The following SPTB variants were observed in gnomAD, a reference collection of about 807,000 sequenced individuals.
SPTB encodes the protein spectrin beta chain, erythrocytic.
A neutral mutation model predicts 256.2 loss-of-function variants in SPTB; 45 were observed. The observed-to-expected ratio is 0.18, with a 90% CI of 0.14 to 0.23. The LOEUF (loss-of-function observed/expected upper bound fraction) is 0.23. Among genes scored for constraint, SPTB ranks in the 10% least tolerant of loss-of-function variants. SPTB has a pLI of 1.00. For missense variants in SPTB, 2,715 were observed against 3,040.4 expected (o/e 0.89, Z 2.52); for synonymous variants, 1,231 against 1,243.1 (o/e 0.99, Z 0.21).
chr14:64,799,929 A>G lies in SPTB; in HGVS notation c.882T>C (p.Ile294=), dbSNP rs1566771035. 5 of 1,614,114 alleles carry G rather than the reference A, an allele frequency of 3.1e-6. No individual in the cohort carries two copies. The highest frequency in any genetic ancestry group is 1.3e-5 in the African/African-American group (1 of 74,942). Residue 294 remains isoleucine (I), a synonymous_variant, in exon 9 of 36, where the codon ATT becomes ATC. Coordinates refer to ENST00000644917, the MANE Select transcript of SPTB (RefSeq NM_001355436.2). ...AVEGKRVGKV[I]DHAIETEKMI... ...TCTTCTCAGTCTCAATGGCATGGTC[A>G]ATAACCTAAGGAATCATCTTCTTAC...
intron 31 of SPTB, 88 bp downstream of exon 31, chr14:64,767,214 TG>T: frequency 6.5e-7 from 1 of 1,538,382 alleles, no homozygotes; most frequent in Non-Finnish European, 8.9e-7. Context: ...CAAATGCAAC[TG>T]GTCCCAATGT....
chr14:64,857,577 CAAAAAAAAAA>C (rs34021718), intron 1 of SPTB, among the ~76,000 whole-genome samples: 5 of 61,354 alleles, frequency 8.1e-5, no homozygotes, highest in African/African-American at 2.5e-4. Context: ...GACACTGCCT[CAAAAAAAAAA>C]AAAAAAAAAA....
chr14:64,858,052 A>G (rs139019259), intron 1 of SPTB, among the ~76,000 whole-genome samples: 10 of 152,350 alleles, frequency 6.6e-5, no homozygotes, highest in Non-Finnish European at 1.5e-4. Context: ...GAGGAAAATG[A>G]AGATCAGAAA....
At chr14:64,848,686 T>C (rs995650583) in intron 1 of SPTB, among the ~76,000 whole-genome samples, 1 of 152,264 alleles carries the variant, frequency 6.6e-6, no homozygotes. Context: ...CAATAGCTTT[T>C]ACCTTATTTA....
chr14:64,755,436 A>G (rs1389944426), intron 32 of SPTB: 1 of 152,230 alleles, frequency 6.6e-6, no homozygotes, highest in African/African-American at 2.4e-5. Flanking sequence ...ATCTCATCAA[A>G]TTAGGACTGT....
chr14:64,831,351 T>C (rs1354466509), intron 1 of SPTB, among the ~76,000 whole-genome samples: 1 of 152,148 alleles, frequency 6.6e-6, no homozygotes, highest in Non-Finnish European at 1.5e-5. Context: ...CTTACCATCT[T>C]CTCTCTCCTT....
rs148301557 is a variant in SPTB at position 64,761,214 on chromosome 14, A to G, written c.6345+5512T>C. 5.3e-3 allele frequency among the ~76,000 whole-genome samples: 810 copies of G among 152,286 alleles called. 9 individuals carry two copies. The highest frequency in any genetic ancestry group is 0.019 in the African/African-American group (769 of 41,554). On this transcript the variant is annotated intron_variant, in intron 32 of 35. Transcript: ENST00000644917. ...TATCTCAGCTCTTGTCCTTTGGGTG[A>G]GAAGGGCTGTCACTGGGTGGGTTGG...
rs906427175 is a variant in SPTB at position 64,767,732 on chromosome 14, C to A, written c.6150G>T (p.Arg2050Ser). The change falls in exon 30 of 36, where the codon AGG (arginine) becomes AGT (serine). Residue 2050 changes from arginine (R) to serine (S), a missense_variant. Transcript: ENST00000644917. Reference sequence around the variant, plus strand: ...CCGTGGACTTCTCAAAAGCCTCATGCCTCTTGATGAGCTTCTCCACACTGT... The same window carrying A: ...CCGTGGACTTCTCAAAAGCCTCATGACTCTTGATGAGCTTCTCCACACTGT... ...TVDSVEKLIK[R>S]HEAFEKSTAS... 3 of 1,614,086 alleles carry A rather than the reference C, an allele frequency of 1.9e-6. No individual in the cohort carries two copies. In the African/African-American group the frequency reaches 4.0e-5, roughly 22 times the overall value.
chr14:64,775,829 C>T lies in SPTB; in HGVS notation c.4564-426G>A, dbSNP rs2082348050. 6.6e-6 allele frequency among the ~76,000 whole-genome samples: 1 copy of T among 152,210 alleles called. No individual in the cohort carries two copies. Among genetic ancestry groups the T allele is most frequent in the African/African-American group, 2.4e-5 (1 of 41,452 alleles). ...TCTAACAGCTTTTGCAGGATTTATG[C>T]AGGATCATTTACGCAGGATACGCCC... On this transcript the variant is annotated intron_variant, in intron 22 of 35. Coordinates refer to ENST00000644917, the MANE Select transcript of SPTB (RefSeq NM_001355436.2). This position sits in a 1 kb window ranked among gnomAD's most constrained non-coding sequence, Gnocchi z 5.0.
At chr14:64,867,901 G>T (rs1410886340) in intron 1 of SPTB, among the ~76,000 whole-genome samples, 2 of 149,912 alleles carry the variant, frequency 1.3e-5, no homozygotes, top group African/African-American at 4.9e-5. Context: ...TCATGGCTGA[G>T]GAAAGAGAAG....
At position 64,816,119 on chromosome 14, in the gene SPTB, T is replaced by G. The variant is rs1467188325; in HGVS notation, c.148+6828A>C. 2.0e-5 allele frequency among the ~76,000 whole-genome samples: 3 copies of G among 152,118 alleles called. No individual in the cohort carries two copies. Among genetic ancestry groups the G allele is most frequent in the Non-Finnish European group, 4.4e-5 (3 of 68,014 alleles). The stretch of plus-strand genomic sequence containing the variant: ...AAAACCCAAATCTAACCGTGTCATT[T>G]CCCTGCTGAAAGTACTTTGATGGGC... On this transcript the variant is annotated intron_variant, in intron 2 of 35. Transcript: ENST00000644917. This position sits in a 1 kb window ranked among gnomAD's most constrained non-coding sequence, Gnocchi z 4.2.
chr14:64,766,876 CA>C (rs2082193335), intron 31 of SPTB, 75 bp from the exon 32 acceptor site: 2 of 1,566,122 alleles, frequency 1.3e-6, no homozygotes, highest in Admixed American at 3.3e-5. Context: ...CCTGGCTTTT[CA>C]CCTGCGCCCA....
chr14:64,796,768 T>C lies in SPTB; in HGVS notation c.1183-53A>G. 1 of 1,610,628 alleles carries C rather than the reference T, an allele frequency of 6.2e-7. No homozygotes were observed. The highest frequency in any genetic ancestry group is 8.5e-7 in the Non-Finnish European group (1 of 1,178,448). ...TGGGGCACAGGAGAAATGCCTCACTTTGGGGGCTCCACCCCTTTCACCCAA... is the reference window on the plus strand; with the variant it reads ...TGGGGCACAGGAGAAATGCCTCACTCTGGGGGCTCCACCCCTTTCACCCAA... On this transcript the variant is annotated intron_variant, in intron 10 of 35. Transcript: ENST00000644917. The surrounding 1 kb of genome is among the most constrained non-coding windows in gnomAD (Gnocchi z 4.1).
intron 2 of SPTB, among the ~76,000 whole-genome samples, chr14:64,811,208 T>C (rs2083083074): frequency 6.6e-6 from 1 of 152,198 alleles, no homozygotes; most frequent in African/African-American, 2.4e-5. Flanking sequence ...CTAATTTACT[T>C]AATATACAAA....
At chr14:64,871,245 T>A (rs1186510383) in intron 1 of SPTB, among the ~76,000 whole-genome samples, 1 of 152,134 alleles carries the variant, frequency 6.6e-6, no homozygotes, top group Non-Finnish European at 1.5e-5. Context: ...AGACACAGCC[T>A]CGAACCCAAG....
Position 64,873,366 on chromosome 14 carries a change from A to T in SPTB, c.-52+6426T>A, listed in dbSNP as rs146531596. On this transcript the variant is annotated intron_variant, in intron 1 of 35. Coordinates refer to ENST00000644917, the MANE Select transcript of SPTB (RefSeq NM_001355436.2). This position sits in a 1 kb window ranked among gnomAD's most constrained non-coding sequence, Gnocchi z 4.3. ...CAGTAAATATTTGTTGAAGACTGAC[A>T]TACAAATCAAGGCCCTCAAGATCAC... is the stretch of plus-strand genomic sequence containing the variant. 6.6e-6 allele frequency among the ~76,000 whole-genome samples: 1 copy of T among 152,194 alleles called. No homozygotes were observed. Among genetic ancestry groups the T allele is most frequent in the Admixed American group, 6.5e-5 (1 of 15,282 alleles).
intron 1 of SPTB, among the ~76,000 whole-genome samples, chr14:64,877,888 G>A (rs113183522): frequency 1.2e-4 from 18 of 152,290 alleles, no homozygotes; most frequent in African/African-American, 2.9e-4. Flanking sequence ...TCTAGCAGGC[G>A]TTCTGCTATA....
intron 33 of SPTB, among the ~76,000 whole-genome samples, chr14:64,752,772 C>G (rs2081970219): frequency 6.6e-6 from 1 of 152,194 alleles, no homozygotes; most frequent in African/African-American, 2.4e-5. Flanking sequence ...GTCCCCCAGA[C>G]ACATCCTGCA....
intron 8 of SPTB, 116 bp downstream of exon 8, chr14:64,800,640 G>A (rs930797915): frequency 1.1e-6 from 1 of 896,256 alleles, no homozygotes; most frequent in Non-Finnish European, 1.8e-6. Flanking sequence ...TTTAGAGGAA[G>A]TTGGGGGGTG....
Sources: allele counts gnomAD v4.1 joint callset (sites outside exome capture counted in the v4.1 genomes callset), GRCh38; gene constraint gnomAD v4.1.1; non-coding constraint Gnocchi (gnomAD v3.1); transcripts MANE v1.5; gene names NCBI Gene and HGNC (gene_info 2026-07-23, HGNC 2026-07-21).